The following MICU1 variants were observed in gnomAD, a reference collection of about 807,000 sequenced individuals.
MICU1 encodes mitochondrial calcium uptake 1, also known as calcium uptake protein 1, mitochondrial.
A neutral mutation model predicts 56.8 loss-of-function variants in MICU1; 45 were observed. The ratio of observed to expected loss-of-function variants is 0.79; its 90% CI spans 0.62 to 1.02. The LOEUF (loss-of-function observed/expected upper bound fraction) is 1.02. MICU1 is among the 50% of genes least tolerant of loss of function. The pLI, the probability that MICU1 is intolerant of heterozygous loss-of-function variation, is 0.00. For missense variants in MICU1, 504 were observed against 587.1 expected (o/e 0.86, Z 1.46); for synonymous variants, 186 against 195.1 (o/e 0.95, Z 0.39).
Position 72,544,006 on chromosome 10 carries a change from C to T in MICU1, c.493+7173G>A, listed in dbSNP as rs546412518. ...AAATGAAATCCACAGGCAGACAGCT[C>T]GGCGCTGTGCCCTGGGCCTGGTAGT... On this transcript the variant is annotated intron_variant, in intron 4 of 11. Transcript: ENST00000361114. Among the ~76,000 whole-genome samples the T allele has an allele frequency of 3.3e-5, 5 of 152,316 alleles. No individual in the cohort carries two copies. In the East Asian group the frequency reaches 5.8e-4, roughly 18 times the overall value.
At chr10:72,549,338 G>A (rs528549916) in intron 4 of MICU1, among the ~76,000 whole-genome samples, 5 of 151,608 alleles carry the variant, frequency 3.3e-5, no homozygotes, top group South Asian at 2.1e-4. Flanking sequence ...CTACAGGCAC[G>A]CACCACCGTG....
At chr10:72,454,059 C>T (rs1297414036) in intron 8 of MICU1, among the ~76,000 whole-genome samples, 1 of 152,010 alleles carries the variant, frequency 6.6e-6, no homozygotes, top group Non-Finnish European at 1.5e-5. Context: ...TGGTCTCAAA[C>T]TTCTGACATC....
chr10:72,576,225 C>CAAAAAAAAAAAAA (rs34829939), intron 1 of MICU1, among the ~76,000 whole-genome samples: 25 of 68,130 alleles, frequency 3.7e-4, no homozygotes, highest in East Asian at 1.0e-3. Context: ...AAAAAAACAC[C>CAAAAAAAAAAAAA]AAAAAAAAAA....
intron 4 of MICU1, among the ~76,000 whole-genome samples, chr10:72,539,054 T>C (rs552348158): frequency 3.3e-5 from 5 of 152,236 alleles, no homozygotes; most frequent in African/African-American, 1.2e-4. Context: ...CAATTGTAAA[T>C]ATATATGAAC....
intron 6 of MICU1, among the ~76,000 whole-genome samples, chr10:72,489,771 G>A (rs542253196): frequency 1.4e-4 from 22 of 152,234 alleles, no homozygotes; most frequent in South Asian, 6.2e-4. Context: ...ACAGAAAAAA[G>A]CCAGGACTTG....
chr10:72,377,679 TTAAG>T (rs1404229956), intron 10 of MICU1, among the ~76,000 whole-genome samples: 1 of 152,182 alleles, frequency 6.6e-6, no homozygotes, highest in Non-Finnish European at 1.5e-5. Flanking sequence ...GGACACATTC[TTAAG>T]TGAGGTAAAA....
intron 9 of MICU1, among the ~76,000 whole-genome samples, chr10:72,411,652 G>T (rs1863819471): frequency 6.6e-6 from 1 of 152,150 alleles, no homozygotes; most frequent in South Asian, 2.1e-4. Flanking sequence ...GAGTTAGAGA[G>T]TTAGGGGACT....
chr10:72,398,853 C>T (rs181588815), intron 10 of MICU1, among the ~76,000 whole-genome samples: 77 of 152,316 alleles, frequency 5.1e-4, no homozygotes, highest in African/African-American at 1.8e-3. Flanking sequence ...CAGCCAAATT[C>T]TACCAGAGGT....
At position 72,576,574 on chromosome 10, in the gene MICU1, T is replaced by C. The variant is rs976718099; in HGVS notation, c.-1-9780A>G. ...AAAGTTTGAAGCTAGCACAGGTTTA[T>C]GAGGTATAAGGAAAGAAGTTGTCCT... On this transcript the variant is annotated intron_variant, in intron 1 of 11. Coordinates refer to ENST00000361114, the MANE Select transcript of MICU1 (RefSeq NM_001195518.2). Among the ~76,000 whole-genome samples the C allele has an allele frequency of 3.3e-5, 5 of 152,208 alleles. No individual in the cohort carries two copies. In the East Asian group the frequency reaches 5.8e-4, roughly 18 times the overall value.
intron 9 of MICU1, among the ~76,000 whole-genome samples, chr10:72,421,002 C>CA (rs34221911): frequency 0.014 from 1,523 of 108,568 alleles, 38 homozygotes; most frequent in African/African-American, 0.046. Flanking sequence ...AACTCCGTCT[C>CA]AAAAAAAAAA....
chr10:72,475,012 A>G (rs1465272866), intron 8 of MICU1, 88 bp downstream of exon 8: 27 of 1,105,118 alleles, frequency 2.4e-5, no homozygotes, highest in Non-Finnish European at 3.5e-5. Flanking sequence ...TCACAGCTGG[A>G]GGTAAATGGA....
chr10:72,426,279 C>G (rs1439175528), intron 8 of MICU1, among the ~76,000 whole-genome samples: 1 of 152,170 alleles, frequency 6.6e-6, no homozygotes, highest in African/African-American at 2.4e-5. Context: ...CTTGGCCTCC[C>G]AAAGTGCTGA....
In MICU1 at chr10:72,625,704, G is replaced by A. The variant is rs554414718; in HGVS notation, c.-2+306C>T. Among the ~76,000 whole-genome samples, 178 of 152,312 alleles carry A rather than the reference G, an allele frequency of 1.2e-3. 1 individual carries two copies. Among genetic ancestry groups the A allele is most frequent in the Non-Finnish European group, 1.9e-4 (13 of 68,030 alleles). On this transcript the variant is annotated intron_variant, in intron 1 of 11. Coordinates refer to ENST00000361114, the MANE Select transcript of MICU1 (RefSeq NM_001195518.2). ...AGAGTGTCCCAGTCGCCTGTGAGGA[G>A]GGGGGCGTCGGCGCCAAGTTGCGAA...
chr10:72,419,054 G>A (rs1214920169), intron 9 of MICU1, among the ~76,000 whole-genome samples: 1 of 152,156 alleles, frequency 6.6e-6, no homozygotes, highest in African/African-American at 2.4e-5. Flanking sequence ...TCCTGCCAAT[G>A]CTCAAATACT....
intron 8 of MICU1, among the ~76,000 whole-genome samples, chr10:72,443,858 C>T (rs936210971): frequency 6.6e-6 from 1 of 151,562 alleles, no homozygotes; most frequent in African/African-American, 2.4e-5. Context: ...TTGACCCAGC[C>T]ATCCCATTAC....
rs1169089266 is a variant in MICU1 at position 72,368,055 on chromosome 10, G to T, written c.*140C>A. The T allele has an allele frequency of 1.1e-6, 1 of 871,322 alleles. No individual in the cohort carries two copies. Among genetic ancestry groups the T allele is most frequent in the East Asian group, 2.7e-5 (1 of 37,122 alleles). The allele number at this position is 871,322 out of a possible 1,614,324, so 54.0% of individuals were successfully genotyped here. On this transcript the variant is annotated 3_prime_UTR_variant, in exon 12 of 12. Transcript: ENST00000361114. The stretch of plus-strand genomic sequence containing the variant: ...ACGGGGACGGGGAAGGGTAAAGAGG[G>T]GAAACCGACAGAGTCCTGAGGTCAT...
chr10:72,451,126 G>A (rs1480590874), intron 8 of MICU1, among the ~76,000 whole-genome samples: 1 of 147,946 alleles, frequency 6.8e-6, no homozygotes, highest in East Asian at 2.0e-4. Flanking sequence ...TCTGGTTCAA[G>A]TGATTCTCCT....
At chr10:72,446,826 C>T (rs1357477752) in intron 8 of MICU1, among the ~76,000 whole-genome samples, 1 of 152,068 alleles carries the variant, frequency 6.6e-6, no homozygotes, top group East Asian at 1.9e-4. Context: ...ATGTTGGCTG[C>T]TATTAATAAT....
chr10:72,543,516 A>AATC (rs1293103378), intron 4 of MICU1, among the ~76,000 whole-genome samples: 4 of 30,910 alleles, frequency 1.3e-4, no homozygotes, highest in Non-Finnish European at 2.8e-4. Flanking sequence ...TCAATCAATC[A>AATC]AATCAATCCA....
Sources: allele counts gnomAD v4.1 joint callset (sites outside exome capture counted in the v4.1 genomes callset), GRCh38; gene constraint gnomAD v4.1.1; transcripts MANE v1.5; gene names NCBI Gene and HGNC (gene_info 2026-07-23, HGNC 2026-07-21).